The following ZMIZ1 variants were observed in gnomAD, a reference collection of about 807,000 sequenced individuals.
ZMIZ1 encodes zinc finger MIZ domain-containing protein 1.
In ZMIZ1, 17 loss-of-function variants were observed where a neutral mutation model predicts 113.9. That is an observed-to-expected ratio of 0.15 (90% CI 0.10 to 0.22). ZMIZ1 has a LOEUF of 0.22. Among genes scored for constraint, ZMIZ1 ranks in the 10% least tolerant of loss-of-function variants. ZMIZ1 has a pLI of 1.00. For synonymous variants in ZMIZ1, 607 were observed against 603.1 expected, an observed-to-expected ratio of 1.01 and a Z score of -0.09; for missense variants, 1,059 against 1,477.8, an observed-to-expected ratio of 0.72 and a Z score of 4.65.
chr10:79,183,354 ACG>A (rs771421694), intron 4 of ZMIZ1, among the ~76,000 whole-genome samples: 324 of 89,310 alleles, frequency 3.6e-3, no homozygotes, highest in Middle Eastern at 0.011. Context: ...AGGCTCGTGC[ACG>A]CGCACACACA....
chr10:79,218,557 G>A (rs7917715), intron 7 of ZMIZ1, among the ~76,000 whole-genome samples: 11,663 of 150,966 alleles, frequency 0.077, 1,114 homozygotes, highest in African/African-American at 0.23. Flanking sequence ...TAGAGGGAGA[G>A]GAAAACATTG....
chr10:79,097,255 C>T (rs990774289), intron 1 of ZMIZ1, among the ~76,000 whole-genome samples: 29 of 152,334 alleles, frequency 1.9e-4, no homozygotes, highest in African/African-American at 6.3e-4. Flanking sequence ...CTGCCTCCCA[C>T]CGGCCACCTC....
intron 20 of ZMIZ1, 52 bp downstream of exon 20, chr10:79,305,283 G>A (rs746214651): frequency 2.4e-5 from 38 of 1,598,010 alleles, no homozygotes; most frequent in East Asian, 1.3e-4. Flanking sequence ...AACCACAGAC[G>A]GGAGGGGCCA....
chr10:79,134,038 T>C (rs920493614), intron 2 of ZMIZ1, among the ~76,000 whole-genome samples: 2 of 152,238 alleles, frequency 1.3e-5, no homozygotes, highest in Non-Finnish European at 1.5e-5. Context: ...TCGGATTTTA[T>C]AGCTGTCACA....
intron 3 of ZMIZ1, among the ~76,000 whole-genome samples, chr10:79,140,748 C>G (rs1445379799): frequency 5.3e-5 from 8 of 152,122 alleles, no homozygotes. Flanking sequence ...ACTCTCACAC[C>G]AGGCCAGGCC....
chr10:79,071,269 T>C (rs1397337364), intron 1 of ZMIZ1, among the ~76,000 whole-genome samples: 1 of 152,220 alleles, frequency 6.6e-6, no homozygotes, highest in Non-Finnish European at 1.5e-5. Flanking sequence ...GAACCGGGCC[T>C]GGTAGACCAG....
In ZMIZ1 at chr10:79,069,077, G is replaced by C. The variant is rs568621533; in HGVS notation, c.-530G>C. 6.6e-6 allele frequency: 1 copy of C among 151,222 alleles called. No homozygotes were observed. Among genetic ancestry groups the C allele is most frequent in the Non-Finnish European group, 1.5e-5 (1 of 67,666 alleles). 9.4% of individuals were successfully genotyped at this position (151,222 alleles called of 1,614,324 possible). On this transcript the variant is annotated 5_prime_UTR_variant, in exon 1 of 25. Coordinates refer to ENST00000334512, the MANE Select transcript of ZMIZ1 (RefSeq NM_020338.4). This position sits in a 1 kb window ranked among gnomAD's most constrained non-coding sequence, Gnocchi z 4.6. ...GGGCGGCCGGGCGGCAGGCGGGCGA[G>C]CAGCGATCGGGCGGCCGAGCGAGCG...
At chr10:79,158,684 G>C (rs144435424) in intron 3 of ZMIZ1, among the ~76,000 whole-genome samples, 3 of 152,196 alleles carry the variant, frequency 2.0e-5, no homozygotes, top group African/African-American at 7.2e-5. Context: ...CAACATGACC[G>C]AGTGCCTCCA....
In ZMIZ1 at chr10:79,217,318, A is replaced by G. The variant is rs917425908; in HGVS notation, c.280+1044A>G. 3.9e-5 allele frequency among the ~76,000 whole-genome samples: 6 copies of G among 152,144 alleles called. No homozygotes were observed. In the East Asian group the frequency reaches 1.2e-3, roughly 29 times the overall value. ...CGGGCGCCTGTAGTCCCAGCTACTC[A>G]GGAGGTTGAGGCAGGAGAATGGCGT... is the stretch of plus-strand genomic sequence containing the variant. On this transcript the variant is annotated intron_variant, in intron 7 of 24. Transcript: ENST00000334512.
intron 1 of ZMIZ1, among the ~76,000 whole-genome samples, chr10:79,094,467 G>A (rs1843104906): frequency 6.6e-6 from 1 of 152,218 alleles, no homozygotes; most frequent in Non-Finnish European, 1.5e-5. Context: ...GGTTACTTTG[G>A]CTTTCTAGAG....
Position 79,069,649 on chromosome 10 carries a change from G to A in ZMIZ1, c.-337+379G>A, listed in dbSNP as rs1011725866. Among the ~76,000 whole-genome samples, 50 of 152,262 alleles carry A rather than the reference G, an allele frequency of 3.3e-4. No individual in the cohort carries two copies. The highest frequency in any genetic ancestry group is 4.8e-4 in the African/African-American group (20 of 41,566). ...AGGACCGGGAATCGGAGGAGGGAGGGAAGGACCGCCTCGGTCTCCTTCGCC... is the reference window on the plus strand; with the variant it reads ...AGGACCGGGAATCGGAGGAGGGAGGAAAGGACCGCCTCGGTCTCCTTCGCC... On this transcript the variant is annotated intron_variant, in intron 1 of 24. Transcript: ENST00000334512. The surrounding 1 kb of genome is among the most constrained non-coding windows in gnomAD (Gnocchi z 4.6).
intron 2 of ZMIZ1, among the ~76,000 whole-genome samples, chr10:79,122,572 C>G (rs704002): frequency 0.48 from 73,085 of 151,834 alleles, 18,085 homozygotes; most frequent in East Asian, 0.82. Context: ...AGATGTCATG[C>G]AGATTTCTTT....
intron 8 of ZMIZ1, among the ~76,000 whole-genome samples, chr10:79,279,328 G>A (rs1852541108): frequency 6.6e-6 from 1 of 151,868 alleles, no homozygotes. Context: ...CCCAGACGGG[G>A]TCGCGGCCGG....
chr10:79,170,247 C>G (rs7914081), intron 4 of ZMIZ1, among the ~76,000 whole-genome samples: 26,328 of 152,178 alleles, frequency 0.17, 2,636 homozygotes, highest in East Asian at 0.32. Context: ...GCCAGTTCCT[C>G]TCTGTGGCTC....
chr10:79,223,554 G>T (rs909989314), intron 7 of ZMIZ1, among the ~76,000 whole-genome samples: 11 of 152,238 alleles, frequency 7.2e-5, no homozygotes, highest in African/African-American at 2.7e-4. Flanking sequence ...ACTGACTCAT[G>T]GTCAGATCTG....
At chr10:79,096,851 A>G (rs1843185393) in intron 1 of ZMIZ1, among the ~76,000 whole-genome samples, 1 of 152,230 alleles carries the variant, frequency 6.6e-6, no homozygotes, top group Non-Finnish European at 1.5e-5. Context: ...TATGATAAGC[A>G]CCAAGAAAGA....
chr10:79,088,542 G>T lies in ZMIZ1; in HGVS notation c.-337+19272G>T, dbSNP rs186497195. Among the ~76,000 whole-genome samples the T allele has an allele frequency of 6.4e-4, 98 of 152,356 alleles. 3 individuals carry two copies. The East Asian group carries it at 6.8e-3, about 10-fold the overall frequency. On this transcript the variant is annotated intron_variant, in intron 1 of 24. Coordinates refer to ENST00000334512, the MANE Select transcript of ZMIZ1 (RefSeq NM_020338.4). ...CATTTTGTCGAGCCGGGAGTTGCCA[G>T]TGAGAGGGTGACAGAGAGGGACACA...
At chr10:79,153,498 C>T (rs764430154) in intron 3 of ZMIZ1, among the ~76,000 whole-genome samples, 7 of 152,248 alleles carry the variant, frequency 4.6e-5, no homozygotes, top group Non-Finnish European at 8.8e-5. Context: ...GGGACTAAAA[C>T]GTGATCGGCA....
At chr10:79,175,601 T>C (rs1426715921) in intron 4 of ZMIZ1, among the ~76,000 whole-genome samples, 5 of 113,780 alleles carry the variant, frequency 4.4e-5, no homozygotes, top group Admixed American at 4.2e-4. Flanking sequence ...TGTGTGTGTG[T>C]GTGTGTGTGT....
Sources: gnomAD v4.1 joint callset for allele counts (sites outside exome capture counted in the v4.1 genomes callset) on GRCh38, gnomAD v4.1.1 for gene constraint, Gnocchi (gnomAD v3.1) non-coding constraint, MANE v1.5 for transcripts, NCBI Gene and HGNC (gene_info 2026-07-23, HGNC 2026-07-21) for gene names.